CFAP92: variants seen among roughly 807,000 people sequenced by gnomAD.
The protein encoded by CFAP92 is cilia and flagella associated protein 92 (putative), also known as uncharacterized protein CFAP92.
CFAP92 carries 86 observed loss-of-function variants against 106.3 expected under a neutral mutation model. The observed-to-expected ratio is 0.81, with a 90% CI of 0.68 to 0.97. The LOEUF is 0.97. CFAP92 is among the 50% of genes least tolerant of loss of function. The probability of loss-of-function intolerance (pLI) is 0.00; values close to 1 mark genes in which losing one functional copy is unlikely to be tolerated. For synonymous variants in CFAP92, 477 were observed against 506.4 expected, an observed-to-expected ratio of 0.94 and a Z score of 0.78; for missense variants, 1,204 against 1,283.8, an observed-to-expected ratio of 0.94 and a Z score of 0.95.
At chr3:128,915,331 C>T in intron 14 of CFAP92, 26 bp downstream of exon 14, 1 of 1,536,032 alleles carries the variant, frequency 6.5e-7, no homozygotes, top group Non-Finnish European at 8.7e-7. Flanking sequence ...GACACCCCAC[C>T]TGAGACCCTG....
chr3:128,923,549 CA>C (rs956226595), intron 12 of CFAP92, among the ~76,000 whole-genome samples: 1 of 152,170 alleles, frequency 6.6e-6, no homozygotes, highest in Non-Finnish European at 1.5e-5. Flanking sequence ...CATCCTTCTG[CA>C]GCCCTTAGGA....
Position 128,985,042 on chromosome 3 carries a change from T to C in CFAP92, c.667+2574A>G, listed in dbSNP as rs1195682315. ...ATTTTTTCTCTTTTTTGCTAGGTGA[T>C]ATCTAAATTGTTTTACAAAGTGAAT... On this transcript the variant is annotated intron_variant, in intron 4 of 15. Transcript: ENST00000645291. Among the ~76,000 whole-genome samples the C allele has an allele frequency of 8.5e-5, 13 of 152,240 alleles. No individual in the cohort carries two copies. The South Asian group carries it at 2.7e-3, about 31-fold the overall frequency.
intron 12 of CFAP92, among the ~76,000 whole-genome samples, chr3:128,919,211 T>A (rs796251172): frequency 5.9e-5 from 9 of 152,048 alleles, no homozygotes; most frequent in African/African-American, 1.4e-4. Flanking sequence ...CCCAAAGTGT[T>A]GGGATTACAG....
the CFAP92 span, among the ~76,000 whole-genome samples, chr3:129,017,463 G>A: frequency 6.6e-6 from 1 of 152,226 alleles, no homozygotes; most frequent in Non-Finnish European, 1.5e-5. Context: ...AAGGCCGAAA[G>A]CAAGGCACCC....
At chr3:128,992,579 A>T (rs995666581) in intron 2 of CFAP92, among the ~76,000 whole-genome samples, 10 of 146,420 alleles carry the variant, frequency 6.8e-5, no homozygotes, top group Admixed American at 2.0e-4. Context: ...AAGAATTATT[A>T]TTTTTTTTTT....
At chr3:128,920,697 A>G (rs1192859199) in intron 12 of CFAP92, among the ~76,000 whole-genome samples, 1 of 152,148 alleles carries the variant, frequency 6.6e-6, no homozygotes, top group Non-Finnish European at 1.5e-5. Flanking sequence ...TGGAACACCA[A>G]GCTCTGTTCC....
chr3:129,021,674 G>A, the CFAP92 span, among the ~76,000 whole-genome samples: 3 of 152,230 alleles, frequency 2.0e-5, no homozygotes, highest in South Asian at 6.2e-4. Flanking sequence ...TATCAATCTG[G>A]ATATTTTAAA....
upstream of CFAP92, among the ~76,000 whole-genome samples, chr3:129,004,960 T>C (rs1257348855): frequency 6.6e-6 from 1 of 152,192 alleles, no homozygotes; most frequent in East Asian, 1.9e-4. Flanking sequence ...TTGGGGTCCC[T>C]GCCTGTGGGA....
In CFAP92 at chr3:128,912,119, T is replaced by A. The variant is rs142437704; in HGVS notation, c.3281-1786A>T. Among the ~76,000 whole-genome samples the A allele has an allele frequency of 4.9e-3, 741 of 152,278 alleles. 8 individuals are homozygous for A. Among genetic ancestry groups the A allele is most frequent in the African/African-American group, 0.017 (705 of 41,566 alleles). On this transcript the variant is annotated intron_variant, in intron 15 of 15. Transcript: ENST00000645291. ...TGTGGCACTTGCTGAGAGTGGCATA[T>A]GATTTTTTGCAGGTCCTAGCCCTGG...
intron 9 of CFAP92, among the ~76,000 whole-genome samples, chr3:128,953,603 C>CA (rs1941050421): frequency 8.4e-6 from 1 of 119,744 alleles, no homozygotes; most frequent in African/African-American, 4.4e-5. Flanking sequence ...CTCCCTCCCC[C>CA]TCTCCCTCTC....
intron 4 of CFAP92, among the ~76,000 whole-genome samples, chr3:128,978,751 T>C (rs1284204231): frequency 6.6e-6 from 1 of 152,184 alleles, no homozygotes; most frequent in Non-Finnish European, 1.5e-5. Flanking sequence ...TGGCTAGCCA[T>C]ATGTAGAAAG....
chr3:128,981,835 T>A (rs1430259334), intron 4 of CFAP92, among the ~76,000 whole-genome samples: 2 of 152,216 alleles, frequency 1.3e-5, no homozygotes, highest in African/African-American at 4.8e-5. Flanking sequence ...ACCAGGTGCA[T>A]TATCAATGAG....
chr3:128,923,695 A>G (rs930408763), intron 12 of CFAP92, among the ~76,000 whole-genome samples: 1 of 152,244 alleles, frequency 6.6e-6, no homozygotes, highest in African/African-American at 2.4e-5. Flanking sequence ...ACAGCCTGCA[A>G]TTGCCTTGCT....
chr3:128,977,045 T>G lies in CFAP92; in HGVS notation c.830A>C (p.Glu277Ala), dbSNP rs1275475772. 2 of 1,613,916 alleles carry G rather than the reference T, an allele frequency of 1.2e-6. No individual in the cohort carries two copies. The highest frequency in any genetic ancestry group is 3.3e-5 in the Admixed American group (2 of 60,020). The change falls in exon 6 of 16, where the codon GAA becomes GCA. Residue 277 changes from glutamate to alanine, a missense_variant. Coordinates refer to ENST00000645291, the MANE Select transcript of CFAP92 (RefSeq NM_001394090.1). Reference sequence around the variant, plus strand: ...TTCCTCACTGTTCTTGGAAGAAGTTTCGGGCTCTGCTTGGTGAGAACCTGA... The same window carrying G: ...TTCCTCACTGTTCTTGGAAGAAGTTGCGGGCTCTGCTTGGTGAGAACCTGA... ...SLQGSHQAEP[E>A]TSSKNSEEYE...
At chr3:128,936,045 C>A (rs1264087439) in intron 10 of CFAP92, among the ~76,000 whole-genome samples, 1 of 152,208 alleles carries the variant, frequency 6.6e-6, no homozygotes, top group Non-Finnish European at 1.5e-5. Flanking sequence ...CTGTGCCTGT[C>A]TCACCCCCCT....
chr3:128,916,492 C>A (rs1331309942), intron 12 of CFAP92, among the ~76,000 whole-genome samples: 1 of 152,172 alleles, frequency 6.6e-6, no homozygotes, highest in Non-Finnish European at 1.5e-5. Context: ...AAAATTGAGA[C>A]CCCTAAGGTC....
At chr3:128,943,237 G>A (rs752410840) in intron 10 of CFAP92, among the ~76,000 whole-genome samples, 4 of 151,984 alleles carry the variant, frequency 2.6e-5, no homozygotes, top group African/African-American at 7.2e-5. Context: ...CTTTTAAAGC[G>A]CATGAATGAG....
chr3:129,017,713 A>C, the CFAP92 span, among the ~76,000 whole-genome samples: 1 of 151,134 alleles, frequency 6.6e-6, no homozygotes, highest in African/African-American at 2.5e-5. Context: ...TCTGCATTTC[A>C]AGGGACTTGT....
At chr3:128,992,460 G>A (rs1421239334) in intron 2 of CFAP92, among the ~76,000 whole-genome samples, 1 of 152,048 alleles carries the variant, frequency 6.6e-6, no homozygotes, top group African/African-American at 2.4e-5. Context: ...TACTTGGGAG[G>A]CTGAGGCACG....
Sources: allele counts gnomAD v4.1 joint callset (sites outside exome capture counted in the v4.1 genomes callset), GRCh38; gene constraint gnomAD v4.1.1; transcripts MANE v1.5; gene names NCBI Gene and HGNC (gene_info 2026-07-23, HGNC 2026-07-21).